TARS2: variants seen among roughly 807,000 people sequenced by gnomAD.
TARS2 encodes the protein threonine--tRNA ligase, mitochondrial.
TARS2 carries 61 observed loss-of-function variants against 94.4 expected under a neutral mutation model. The observed-to-expected ratio is 0.65, with a 90% CI of 0.53 to 0.80. The LOEUF (loss-of-function observed/expected upper bound fraction) is 0.80, where lower values mean the gene tolerates loss of function less well. Ranked by LOEUF, TARS2 falls within the 30% of genes least tolerant of loss-of-function variation. The pLI, the probability that TARS2 is intolerant of heterozygous loss-of-function variation, is 0.00. For synonymous variants in TARS2, 359 were observed against 353.4 expected, an observed-to-expected ratio of 1.02 and a Z score of -0.18; for missense variants, 704 against 902.5, an observed-to-expected ratio of 0.78 and a Z score of 2.82.
At chr1:150,497,799 A>G (rs1277955657) in intron 10 of TARS2, 52 bp downstream of exon 10, 2 of 1,556,586 alleles carry the variant, frequency 1.3e-6, no homozygotes, top group Non-Finnish European at 1.7e-6. Flanking sequence ...AAATAATAGA[A>G]AGCACCTTGG....
chr1:150,492,889 C>G (rs1473023240), intron 7 of TARS2, among the ~76,000 whole-genome samples: 1 of 151,194 alleles, frequency 6.6e-6, no homozygotes, highest in Non-Finnish European at 1.5e-5. Context: ...TCGGCACCCC[C>G]CTTTTTTTTT....
At chr1:150,503,808 C>G (rs187391874) in intron 13 of TARS2, among the ~76,000 whole-genome samples, 2 of 148,738 alleles carry the variant, frequency 1.3e-5, no homozygotes, top group East Asian at 4.0e-4. Context: ...GAGGCTGAGG[C>G]AGGAGAGTCG....
At chr1:150,488,273 G>A (rs1669237653) in intron 2 of TARS2, 1 of 495,996 alleles carries the variant, frequency 2.0e-6, no homozygotes, top group Non-Finnish European at 3.5e-6. Flanking sequence ...GGGCTCAAGC[G>A]ATCCTTCCAT....
At chr1:150,495,664 G>A (rs1057181097) in intron 7 of TARS2, among the ~76,000 whole-genome samples, 11 of 151,524 alleles carry the variant, frequency 7.3e-5, no homozygotes, top group Non-Finnish European at 1.3e-4. Context: ...AAAGTGCTGG[G>A]ATTACAGGTG....
At chr1:150,496,982 G>A in intron 9 of TARS2, 74 bp downstream of exon 9, 1 of 1,451,526 alleles carries the variant, frequency 6.9e-7, no homozygotes, top group Middle Eastern at 1.8e-4. Flanking sequence ...AGGTGTTTGT[G>A]TTAAAAGATG....
In TARS2 at chr1:150,501,836, AAGAT is replaced by A. The variant is rs587613953; in HGVS notation, c.1618-2495_1618-2492del. Among the ~76,000 whole-genome samples, 462 of 152,200 alleles carry A rather than the reference AAGAT, an allele frequency of 3.0e-3. 1 individual carries two copies. The highest frequency in any genetic ancestry group is 5.0e-3 in the Non-Finnish European group (343 of 68,012). Reference sequence around the variant, plus strand: ...TGTCTCAATAAAATAAATAAATAAAAAGATAGAGAAAGGAAATTACTCAAGAACT... The same window carrying A: ...TGTCTCAATAAAATAAATAAATAAAAAGAGAAAGGAAATTACTCAAGAACT... On this transcript the variant is annotated intron_variant, in intron 13 of 17. Coordinates refer to ENST00000369064, the MANE Select transcript of TARS2 (RefSeq NM_025150.5).
chr1:150,491,340 C>A, intron 4 of TARS2, 54 bp from the exon 5 acceptor site: 2 of 1,572,658 alleles, frequency 1.3e-6, no homozygotes, highest in Middle Eastern at 2.3e-4. Context: ...GTGTGTCACC[C>A]AGGTGATTGA....
intron 15 of TARS2, 37 bp downstream of exon 15, chr1:150,504,770 A>G (rs1670125408): frequency 5.0e-6 from 8 of 1,612,642 alleles, no homozygotes; most frequent in Non-Finnish European, 6.8e-6. Context: ...TCTGGCCCCA[A>G]ACCGGATAGT....
rs1265496586 is a variant in TARS2 at position 150,496,847 on chromosome 1, G to C, written c.959G>C (p.Gly320Ala). The change falls in exon 9 of 18, where the codon GGG becomes GCG. Residue 320 changes from glycine (G) to alanine (A), a missense_variant. Gly to Ala is a moderately conservative substitution (Grantham distance 60, BLOSUM62 0). Coordinates refer to ENST00000369064, the MANE Select transcript of TARS2 (RefSeq NM_025150.5). Reference sequence around the variant, plus strand: ...TTCTTCTTCCATGAACTGAGCCCTGGGAGCTGCTTCTTCCTGCCACGAGGG... The same window carrying C: ...TTCTTCTTCCATGAACTGAGCCCTGCGAGCTGCTTCTTCCTGCCACGAGGG... ...ELFFFHELSP[G>A]SCFFLPRGTR... is the part of the protein sequence containing the mutation. 6.2e-7 allele frequency: 1 copy of C among 1,614,054 alleles called. No individual in the cohort carries two copies. Among genetic ancestry groups the C allele is most frequent in the Admixed American group, 1.7e-5 (1 of 59,998 alleles).
chr1:150,505,009 A>G (rs1452178600), intron 16 of TARS2, 31 bp downstream of exon 16: 1 of 1,611,766 alleles, frequency 6.2e-7, no homozygotes, highest in Non-Finnish European at 8.5e-7. Flanking sequence ...AGGGGGCAGA[A>G]GCAGGTCCAG....
At position 150,500,366 on chromosome 1, in the gene TARS2, G is replaced by T. The variant is rs1256398562; in HGVS notation, c.1617+1073G>T. ...GCACTTTGGGAGGCCGACGTGGGTG[G>T]ATCACTTGAGGTCAGGAGTTCGAGA... On this transcript the variant is annotated intron_variant, in intron 13 of 17. Transcript: ENST00000369064. Among the ~76,000 whole-genome samples, 5 of 152,076 alleles carry T rather than the reference G, an allele frequency of 3.3e-5. 1 individual carries two copies. The highest frequency in any genetic ancestry group is 7.3e-5 in the Non-Finnish European group (5 of 68,036).
chr1:150,498,389 G>T, intron 10 of TARS2, 113 bp from the exon 11 acceptor site: 1 of 1,319,976 alleles, frequency 7.6e-7, no homozygotes. Context: ...GCTGAGGCTG[G>T]AGAGGGTTAT....
chr1:150,504,592 C>T (rs1670111308), intron 14 of TARS2, 40 bp from the exon 15 acceptor site: 2 of 1,601,412 alleles, frequency 1.2e-6, no homozygotes, highest in Admixed American at 3.3e-5. Flanking sequence ...ATTCGTGATA[C>T]TTCCACCATT....
chr1:150,501,294 A>C (rs76191947), intron 13 of TARS2, among the ~76,000 whole-genome samples: 21 of 29,688 alleles, frequency 7.1e-4, no homozygotes, highest in Non-Finnish European at 1.5e-3. Flanking sequence ...TCGTCTCTAC[A>C]AAAAAAAATT....
chr1:150,488,025 A>C lies in TARS2; in HGVS notation c.234A>C (p.Thr78=), dbSNP rs1400258883. The C allele has an allele frequency of 6.2e-7, 1 of 1,613,942 alleles. No homozygotes were observed. The highest frequency in any genetic ancestry group is 8.5e-7 in the Non-Finnish European group (1 of 1,180,008). ...AAATTGATGCTGTGGCATGGAACAC[A>C]ACCCCCTACCAACTAGCCCGGCAGA... ...GQKIDAVAWN[T]TPYQLARQIS... is the part of the protein sequence containing the mutation. The change falls in exon 2 of 18, where the codon ACA becomes ACC. Residue 78 remains threonine (T), a synonymous_variant. Coordinates refer to ENST00000369064, the MANE Select transcript of TARS2 (RefSeq NM_025150.5).
At chr1:150,491,574 A>C in intron 5 of TARS2, 24 bp from the exon 6 acceptor site, 1 of 1,614,180 alleles carries the variant, frequency 6.2e-7, no homozygotes, top group Non-Finnish European at 8.5e-7. Flanking sequence ...ACTTTTCTTC[A>C]ATCTCCCTTC....
intron 17 of TARS2, 100 bp downstream of exon 17, chr1:150,505,805 T>G: frequency 9.0e-7 from 1 of 1,111,128 alleles, no homozygotes; most frequent in Non-Finnish European, 1.3e-6. Flanking sequence ...TAATTGGGGC[T>G]CATTACCTGA....
Position 150,496,266 on chromosome 1 carries a change from CTGACCAGGT to C in TARS2, c.775-213_775-205del, listed in dbSNP as rs1009694467. Among the ~76,000 whole-genome samples the C allele has an allele frequency of 5.7e-4, 87 of 152,230 alleles. No homozygotes were observed. In the Middle Eastern group the frequency reaches 0.01, roughly 18 times the overall value. ...AAGAGATGGCAAGGTAAGGTTAGGC[CTGACCAGGT>C]TGTATGTAGGAATTAAGAGTCAGGC... On this transcript the variant is annotated intron_variant, in intron 7 of 17. Transcript: ENST00000369064.
rs772779859 is a variant in TARS2, at chr1:150,498,913, A to G, written c.1418A>G (p.Gln473Arg). 2.4e-5 allele frequency: 38 copies of G among 1,614,104 alleles called. No homozygotes were observed. In the African/African-American group the frequency reaches 4.9e-4, roughly 21 times the overall value. Residue 473 changes from glutamine to arginine, a missense_variant, in exon 12 of 18, where the codon CAA becomes CGA. By Grantham distance (43) the Gln-to-Arg change is conservative. This residue lies in a region of TARS2 where 466 missense variants were observed against 609.5 expected (regional missense o/e 0.76). Coordinates refer to ENST00000369064, the MANE Select transcript of TARS2 (RefSeq NM_025150.5). ...CTTDQLEAEI[Q>R]SCLDFLRSVY... is the part of the protein sequence containing the mutation. ...TGCCCCTAGCTGGAAGCAGAGATCC[A>G]AAGCTGTCTTGATTTCCTCCGTTCC...
Sources: gnomAD v4.1 joint callset for allele counts (sites outside exome capture counted in the v4.1 genomes callset) on GRCh38, gnomAD v4.1.1 for gene constraint, gnomAD v4.1.1 regional missense constraint, MANE v1.5 for transcripts, NCBI Gene and HGNC (gene_info 2026-07-23, HGNC 2026-07-21) for gene names.